The following TEAD4 variants were observed in gnomAD, a reference collection of about 807,000 sequenced individuals.
The protein encoded by TEAD4 is transcriptional enhancer factor TEF-3.
TEAD4 carries 36 observed loss-of-function variants against 52.4 expected under a neutral mutation model. The ratio of observed to expected loss-of-function variants is 0.69; its 90% CI spans 0.53 to 0.91. The LOEUF is 0.91. Among genes scored for constraint, TEAD4 ranks in the 40% least tolerant of loss-of-function variants. The pLI is 0.00. For missense variants in TEAD4, 508 were observed against 583.9 expected (o/e 0.87, Z 1.34); for synonymous variants, 220 against 231.0 (o/e 0.95, Z 0.43).
chr12:3,015,759 C>T (rs2098264041), intron 5 of TEAD4, among the ~76,000 whole-genome samples: 1 of 151,324 alleles, frequency 6.6e-6, no homozygotes, highest in East Asian at 2.0e-4. Flanking sequence ...GGGCTGAGGC[C>T]ATCCTCCTGC....
At chr12:2,977,269 A>G (rs1286834196) in intron 2 of TEAD4, among the ~76,000 whole-genome samples, 1 of 152,076 alleles carries the variant, frequency 6.6e-6, no homozygotes, top group Non-Finnish European at 1.5e-5. Context: ...CCCAAACGCT[A>G]AATCTCTGCC....
intron 2 of TEAD4, chr12:2,960,301 C>T (rs1468511585): frequency 2.6e-5 from 26 of 985,426 alleles, no homozygotes; most frequent in Non-Finnish European, 3.1e-5. Context: ...ACCCAGCACC[C>T]ATGCCTCTTT....
chr12:2,974,935 A>G (rs1195651932), intron 2 of TEAD4, among the ~76,000 whole-genome samples: 1 of 152,144 alleles, frequency 6.6e-6, no homozygotes, highest in Non-Finnish European at 1.5e-5. Context: ...GGCTAAATCT[A>G]TTAATATTTT....
chr12:2,969,266 G>T (rs1175770719), intron 2 of TEAD4, among the ~76,000 whole-genome samples: 1 of 152,224 alleles, frequency 6.6e-6, no homozygotes, highest in Non-Finnish European at 1.5e-5. Flanking sequence ...CAAATGAAGT[G>T]ATGTGCATGC....
At chr12:2,962,125 TTTATTTTATTTATTTTTGAGACGGAGTC>T (rs1379082025) in intron 2 of TEAD4, among the ~76,000 whole-genome samples, 3 of 150,384 alleles carry the variant, frequency 2.0e-5, no homozygotes, top group East Asian at 3.9e-4. Context: ...TTTATTTTAT[TTTATTTTATTTATTTTTGAGACGGAGTC>T]TCGCTCTGTC....
rs182908852 is a variant in TEAD4, at chr12:2,980,936, C to A, written c.-29-13802C>A. ...TGGGGAAGGGCTTCAGAGCCGCAGT[C>A]TGAGCCTTGTCTCTTACTGGCTTTG... On this transcript the variant is annotated intron_variant, in intron 2 of 12. Coordinates refer to ENST00000359864, the MANE Select transcript of TEAD4 (RefSeq NM_003213.4). Among the ~76,000 whole-genome samples the A allele has an allele frequency of 4.5e-4, 68 of 152,272 alleles. No homozygotes were observed. In the East Asian group the frequency reaches 7.2e-3, roughly 16 times the overall value.
At chr12:2,971,077 G>A (rs1397263970) in intron 2 of TEAD4, among the ~76,000 whole-genome samples, 4 of 152,236 alleles carry the variant, frequency 2.6e-5, no homozygotes, top group Admixed American at 2.6e-4. Flanking sequence ...CCCACGGTGT[G>A]CCCGGCACTG....
At chr12:3,032,148 G>A (rs1479859614) in intron 10 of TEAD4, among the ~76,000 whole-genome samples, 1 of 152,222 alleles carries the variant, frequency 6.6e-6, no homozygotes, top group East Asian at 1.9e-4. Context: ...AGGAAGGAAG[G>A]AGGACCTAGA....
chr12:3,016,129 G>A (rs1467284837), intron 5 of TEAD4, among the ~76,000 whole-genome samples: 2 of 152,138 alleles, frequency 1.3e-5, no homozygotes, highest in Non-Finnish European at 2.9e-5. Flanking sequence ...CCAGGTTTAA[G>A]CAATCCTCCC....
chr12:2,975,601 TG>T (rs1205272760), intron 2 of TEAD4, among the ~76,000 whole-genome samples: 1 of 152,136 alleles, frequency 6.6e-6, no homozygotes, highest in Non-Finnish European at 1.5e-5. Flanking sequence ...TTGGTCAGGC[TG>T]GTCTTGAACT....
intron 2 of TEAD4, among the ~76,000 whole-genome samples, chr12:2,988,062 C>T (rs560592335): frequency 1.4e-4 from 21 of 149,296 alleles, no homozygotes; most frequent in South Asian, 4.3e-4. Flanking sequence ...AACAAGACTC[C>T]ATCTCAAAAA....
chr12:3,015,227 T>C (rs902134939), intron 5 of TEAD4, among the ~76,000 whole-genome samples: 6 of 152,022 alleles, frequency 3.9e-5, no homozygotes, highest in African/African-American at 7.2e-5. Flanking sequence ...CTATGGTGCG[T>C]CTCCCCCGAC....
At chr12:3,017,037 A>G (rs564392789) in intron 5 of TEAD4, 1 of 464,770 alleles carries the variant, frequency 2.2e-6, no homozygotes, top group South Asian at 1.5e-5. Context: ...GGGATCCAGC[A>G]GATATTCATG....
chr12:3,035,113 T>TAA (rs35019225), intron 10 of TEAD4, among the ~76,000 whole-genome samples: 43 of 151,910 alleles, frequency 2.8e-4, no homozygotes, highest in East Asian at 2.1e-3. Context: ...AAAATAAAAT[T>TAA]AAAAAAATAG....
chr12:2,970,004 T>C (rs1591553837), intron 2 of TEAD4, among the ~76,000 whole-genome samples: 2 of 151,884 alleles, frequency 1.3e-5, no homozygotes, highest in African/African-American at 4.8e-5. Context: ...GGCGGGAGAG[T>C]TGCTTGAGCC....
intron 10 of TEAD4, among the ~76,000 whole-genome samples, chr12:3,023,643 TAGAC>T (rs1336451988): frequency 1.3e-5 from 2 of 149,616 alleles, no homozygotes; most frequent in Non-Finnish European, 3.0e-5. Context: ...AAAAAAAAAT[TAGAC>T]AGGCGTGGTG....
At chr12:3,018,418 A>G in intron 6 of TEAD4, 127 bp from the exon 7 acceptor site, 2 of 1,038,714 alleles carry the variant, frequency 1.9e-6, no homozygotes, top group South Asian at 2.7e-5. Context: ...TTCACTAGCT[A>G]GGCGAGGCCT....
chr12:3,024,692 G>C (rs2098270953), intron 10 of TEAD4, among the ~76,000 whole-genome samples: 1 of 152,014 alleles, frequency 6.6e-6, no homozygotes, highest in Non-Finnish European at 1.5e-5. Flanking sequence ...AAAGTACAAA[G>C]AGTCAAGAAG....
intron 2 of TEAD4, chr12:2,960,444 C>A: frequency 1.2e-6 from 1 of 809,374 alleles, no homozygotes; most frequent in Non-Finnish European, 1.5e-6. Flanking sequence ...TGGGAAGCTG[C>A]TGTGTTTCCT....
Sources: gnomAD v4.1 joint callset for allele counts (sites outside exome capture counted in the v4.1 genomes callset) on GRCh38, gnomAD v4.1.1 for gene constraint, MANE v1.5 for transcripts, NCBI Gene and HGNC (gene_info 2026-07-23, HGNC 2026-07-21) for gene names.